Variants in CPSF2 observed in about 807,000 individuals in gnomAD.
CPSF2 encodes the protein cleavage and polyadenylation specific factor 2, also known as cleavage and polyadenylation specificity factor subunit 2.
CPSF2 carries 51 observed loss-of-function variants against 84.2 expected under a neutral mutation model. The observed-to-expected ratio is 0.61, with a 90% CI of 0.48 to 0.77. CPSF2 has a LOEUF of 0.77. Among genes scored for constraint, CPSF2 ranks in the 30% least tolerant of loss-of-function variants. The pLI is 0.00. For synonymous variants in CPSF2, 286 were observed against 311.9 expected, an observed-to-expected ratio of 0.92 and a Z score of 0.87; for missense variants, 641 against 929.4, an observed-to-expected ratio of 0.69 and a Z score of 4.03.
At chr14:92,133,875 A>G in intron 3 of CPSF2, 136 bp from the exon 4 acceptor site, 1 of 798,562 alleles carries the variant, frequency 1.3e-6, no homozygotes, top group Non-Finnish European at 2.0e-6. Context: ...TTCATAGGTA[A>G]TCATAATTTT....
intron 9 of CPSF2, among the ~76,000 whole-genome samples, chr14:92,152,133 A>G (rs190390388): frequency 6.7e-6 from 1 of 150,296 alleles, no homozygotes; most frequent in East Asian, 1.9e-4. Flanking sequence ...ATTTATTATT[A>G]TTTTTTCATT....
chr14:92,157,539 A>G lies in CPSF2; in HGVS notation c.1596-120A>G. The G allele has an allele frequency of 1.5e-6, 1 of 662,428 alleles. No individual in the cohort carries two copies. Among genetic ancestry groups the G allele is most frequent in the Non-Finnish European group, 2.6e-6 (1 of 386,648 alleles). The allele number at this position is 662,428 out of a possible 1,614,324, so 41.0% of individuals were successfully genotyped here. On this transcript the variant is annotated intron_variant, in intron 12 of 15. Transcript: ENST00000298875. The surrounding 1 kb of genome is among the most constrained non-coding windows in gnomAD (Gnocchi z 4.0). ...TAAAAACAAAAATAAAATAAATCAT[A>G]CAGATACTATAACATGTGTATTTCT... is the stretch of plus-strand genomic sequence containing the variant.
At chr14:92,159,942 A>G (rs80344427) in intron 14 of CPSF2, among the ~76,000 whole-genome samples, 1,853 of 150,170 alleles carry the variant, frequency 0.012, 40 homozygotes, top group African/African-American at 0.042. Flanking sequence ...GTTTTCTAAG[A>G]AAGTCATACT....
At position 92,159,284 on chromosome 14, in the gene CPSF2, TA is replaced by T; in HGVS notation, c.2121+9del. The stretch of plus-strand genomic sequence containing the variant: ...TTGGAACCCTTGCCACCTCATGAGG[TA>T]AAAAAAGCATGTGCTTTTTTGATTT... On this transcript the variant is annotated splice_donor_region_variant and intron_variant, in intron 14 of 15. Coordinates refer to ENST00000298875, the MANE Select transcript of CPSF2 (RefSeq NM_017437.3). 6.4e-7 allele frequency: 1 copy of T among 1,567,586 alleles called. No homozygotes were observed. Among genetic ancestry groups the T allele is most frequent in the Non-Finnish European group, 8.6e-7 (1 of 1,158,294 alleles).
chr14:92,161,055 A>G, intron 14 of CPSF2, 57 bp from the exon 15 acceptor site: 1 of 1,532,884 alleles, frequency 6.5e-7, no homozygotes, highest in Non-Finnish European at 9.0e-7. Context: ...TATTCAGTAC[A>G]GTTGTATGTC....
chr14:92,146,317 C>G (rs369914534), intron 9 of CPSF2, among the ~76,000 whole-genome samples: 1 of 151,980 alleles, frequency 6.6e-6, no homozygotes, highest in Non-Finnish European at 1.5e-5. Flanking sequence ...GTCAGGAGTT[C>G]GAGACCAGCC....
intron 7 of CPSF2, among the ~76,000 whole-genome samples, chr14:92,138,873 CTG>C (rs1483313370): frequency 1.3e-5 from 2 of 151,770 alleles, no homozygotes; most frequent in African/African-American, 2.4e-5. Context: ...GTGGGAATGA[CTG>C]TATTCTGTTT....
At position 92,170,328 on chromosome 14, in the gene CPSF2, A is replaced by C. The variant is rs2069502100; in HGVS notation, c.*8584A>C. ...CATACCACTCTCTAGCTATGTATTC[A>C]CATTATTTTTTGAACTGTTTGTTAC... On this transcript the variant is annotated 3_prime_UTR_variant, in exon 16 of 16. Coordinates refer to ENST00000298875, the MANE Select transcript of CPSF2 (RefSeq NM_017437.3). 6.6e-6 allele frequency: 1 copy of C among 152,168 alleles called. No individual in the cohort carries two copies. The highest frequency in any genetic ancestry group is 1.5e-5 in the Non-Finnish European group (1 of 68,030). The allele number at this position is 152,168 out of a possible 1,614,324, so 9.4% of individuals were successfully genotyped here. A position where few individuals can be genotyped will look rare whatever the true frequency, so the allele number is the denominator to read the frequency against.
chr14:92,152,046 C>CT (rs1417379475), intron 9 of CPSF2, among the ~76,000 whole-genome samples: 10 of 149,252 alleles, frequency 6.7e-5, no homozygotes, highest in East Asian at 2.0e-4. Context: ...TTCCCACTAT[C>CT]TTTTTTTTGC....
intron 7 of CPSF2, among the ~76,000 whole-genome samples, chr14:92,138,621 G>C (rs2069032516): frequency 6.6e-6 from 1 of 152,042 alleles, no homozygotes; most frequent in Admixed American, 6.6e-5. Context: ...GTGGAGACAG[G>C]GTTTCTCCAT....
chr14:92,142,944 G>T (rs941547344), intron 8 of CPSF2, 60 bp from the exon 9 acceptor site: 1 of 1,347,940 alleles, frequency 7.4e-7, no homozygotes, highest in Non-Finnish European at 1.0e-6. Flanking sequence ...GACTATTAGA[G>T]AATATATTGA....
chr14:92,157,259 G>A lies in CPSF2; in HGVS notation c.1596-400G>A, dbSNP rs1157431889. ...ACGGTGGCTGATGCCTGTAATCCCA[G>A]CACTTTGGTAGGCCGAGATAGGCTG... On this transcript the variant is annotated intron_variant, in intron 12 of 15. Transcript: ENST00000298875. The surrounding 1 kb of genome is among the most constrained non-coding windows in gnomAD (Gnocchi z 4.0). Among the ~76,000 whole-genome samples, 1 of 152,140 alleles carries A rather than the reference G, an allele frequency of 6.6e-6. No homozygotes were observed. The highest frequency in any genetic ancestry group is 1.5e-5 in the Non-Finnish European group (1 of 68,030).
Position 92,134,241 on chromosome 14 carries a change from T to C in CPSF2, c.310-9T>C, listed in dbSNP as rs182853150. On this transcript the variant is annotated splice_polypyrimidine_tract_variant and intron_variant, in intron 4 of 15. Coordinates refer to ENST00000298875, the MANE Select transcript of CPSF2 (RefSeq NM_017437.3). ...TTGTTTTTCACCTTTATTTGTGTTA[T>C]TCTTTTAGTCTCGACACAATACAGA... 6.2e-6 allele frequency: 10 copies of C among 1,611,968 alleles called. No individual in the cohort carries two copies. Among genetic ancestry groups the C allele is most frequent in the Admixed American group, 5.0e-5 (3 of 59,934 alleles).
rs138644568 is a variant in CPSF2, at chr14:92,134,113, C to T, written c.252C>T (p.Ile84=). 44 of 1,614,012 alleles carry T rather than the reference C, an allele frequency of 2.7e-5. No homozygotes were observed. Among genetic ancestry groups the T allele is most frequent in the Non-Finnish European group, 3.1e-5 (37 of 1,180,008 alleles). ...GAAAGTTGGGTCTGAACTGTGCTAT[C>T]TATGCAACCATTCCTGTTTATAAAA... is the stretch of plus-strand genomic sequence containing the variant. ...AVGKLGLNCA[I]YATIPVYKMG... is the part of the protein sequence containing the mutation. The change falls in exon 4 of 16, where the codon ATC becomes ATT. Residue 84 remains isoleucine (I), a synonymous_variant. Coordinates refer to ENST00000298875, the MANE Select transcript of CPSF2 (RefSeq NM_017437.3).
Position 92,168,214 on chromosome 14 carries a change from C to T in CPSF2, c.*6470C>T, listed in dbSNP as rs998794592. 2 of 137,330 alleles carry T rather than the reference C, an allele frequency of 1.5e-5. No individual in the cohort carries two copies. The highest frequency in any genetic ancestry group is 3.0e-5 in the Non-Finnish European group (2 of 66,268). 8.5% of individuals were successfully genotyped at this position (137,330 alleles called of 1,614,324 possible). On this transcript the variant is annotated 3_prime_UTR_variant, in exon 16 of 16. Transcript: ENST00000298875. ...AGTGAGCCAAGATCACGCCACTGTA[C>T]TCCATCTTGGGCGACAGAGCGCAAC...
chr14:92,155,391 C>A, intron 11 of CPSF2, 68 bp downstream of exon 11: 1 of 1,302,712 alleles, frequency 7.7e-7, no homozygotes, highest in South Asian at 1.2e-5. Flanking sequence ...CATTTCATTT[C>A]AGTGAATTTG....
In CPSF2 at chr14:92,134,280, T is replaced by C; in HGVS notation, c.340T>C (p.Phe114Leu). The change falls in exon 5 of 16, where the codon TTT becomes CTT. Residue 114 changes from phenylalanine to leucine, a missense_variant. Physicochemically the swap from Phe to Leu is conservative, Grantham distance 22. Transcript: ENST00000298875. ...ACACAATACAGAAGATTTTACACTC[T>C]TTACATTAGATGATGTGGATGCAGC... ...SRHNTEDFTL[F>L]TLDDVDAAFD... is the part of the protein sequence containing the mutation. The C allele has an allele frequency of 1.2e-6, 2 of 1,613,794 alleles. No homozygotes were observed. Among genetic ancestry groups the C allele is most frequent in the Middle Eastern group, 3.3e-4 (2 of 6,002 alleles).
At chr14:92,139,632 G>A (rs1298853494) in intron 7 of CPSF2, among the ~76,000 whole-genome samples, 3 of 148,880 alleles carry the variant, frequency 2.0e-5, no homozygotes, top group East Asian at 2.1e-4. Flanking sequence ...TTCACTTCCC[G>A]GGTTGAAGTG....
chr14:92,125,095 G>A (rs928554289), intron 1 of CPSF2, among the ~76,000 whole-genome samples: 12 of 152,098 alleles, frequency 7.9e-5, no homozygotes, highest in Non-Finnish European at 1.2e-4. Flanking sequence ...TTCTGAGCAA[G>A]GGGTAATAGG....
Sources: allele counts gnomAD v4.1 joint callset (sites outside exome capture counted in the v4.1 genomes callset), GRCh38; gene constraint gnomAD v4.1.1; non-coding constraint Gnocchi (gnomAD v3.1); transcripts MANE v1.5; gene names NCBI Gene and HGNC (gene_info 2026-07-23, HGNC 2026-07-21).